The following SMYD4 variants were observed in gnomAD, a reference collection of about 807,000 sequenced individuals.
SMYD4 encodes protein-lysine N-methyltransferase SMYD4.
Under a neutral mutation model 72.8 loss-of-function variants are expected in SMYD4, and 68 were observed. That is an observed-to-expected ratio of 0.93 (90% CI 0.77 to 1.14). The LOEUF (loss-of-function observed/expected upper bound fraction) is 1.14. SMYD4 is among the 50% of genes most tolerant of loss of function. SMYD4 has a pLI of 0.00. For synonymous variants in SMYD4, 407 were observed against 388.6 expected (o/e 1.05, Z -0.56); for missense variants, 984 against 1,003.7 (o/e 0.98, Z 0.27).
intron 2 of SMYD4, among the ~76,000 whole-genome samples, chr17:1,826,994 T>C (rs983205529): frequency 6.6e-6 from 1 of 151,806 alleles, no homozygotes; most frequent in African/African-American, 2.4e-5. Flanking sequence ...CTACTAAAAA[T>C]ACAAAAATGT....
intron 5 of SMYD4, among the ~76,000 whole-genome samples, chr17:1,796,294 T>TGGC (rs2088052443): frequency 8.9e-6 from 1 of 112,288 alleles, no homozygotes; most frequent in African/African-American, 3.6e-5. Flanking sequence ...CCACCATGCC[T>TGGC]GGCTGTTTTT....
intron 5 of SMYD4, among the ~76,000 whole-genome samples, chr17:1,789,150 G>A (rs1270203192): frequency 6.6e-6 from 1 of 152,218 alleles, no homozygotes; most frequent in African/African-American, 2.4e-5. Context: ...CACTTTGGGA[G>A]GCCGAGGCGG....
At chr17:1,827,729 A>G in intron 2 of SMYD4, 132 bp downstream of exon 2, 1 of 1,257,896 alleles carries the variant, frequency 7.9e-7, no homozygotes, top group Admixed American at 2.6e-5. Context: ...TGAGCCCAGA[A>G]ATTTGAGACC....
chr17:1,785,380 T>C (rs1477588135), intron 7 of SMYD4, among the ~76,000 whole-genome samples: 2 of 137,902 alleles, frequency 1.5e-5, no homozygotes, highest in Non-Finnish European at 3.1e-5. Context: ...GAGCCGAGAT[T>C]GCACCACTGC....
rs748908728 is a variant in SMYD4, at chr17:1,800,555, C to T, written c.839G>A (p.Gly280Asp). The T allele has an allele frequency of 1.2e-6, 2 of 1,614,072 alleles. No homozygotes were observed. Among genetic ancestry groups the T allele is most frequent in the Non-Finnish European group, 1.7e-6 (2 of 1,180,054 alleles). ...TCTGGTGTCCCATTTGCTGTCTAGGCCGTGATGCGGTGGTGGCAGTTCTCC... is the reference window on the plus strand; with the variant it reads ...TCTGGTGTCCCATTTGCTGTCTAGGTCGTGATGCGGTGGTGGCAGTTCTCC... ...NPGELPPPHHGLDSKWDTRVT... is the reference protein window; with the variant it reads ...NPGELPPPHHDLDSKWDTRVT... Residue 280 changes from glycine to aspartate, a missense_variant, in exon 5 of 11, where the codon GGC becomes GAC. Physicochemically the swap from Gly to Asp is moderately conservative, Grantham distance 94 (BLOSUM62 -1). Coordinates refer to ENST00000305513, the MANE Select transcript of SMYD4 (RefSeq NM_052928.3).
intron 1 of SMYD4, among the ~76,000 whole-genome samples, chr17:1,828,292 A>G (rs1178153953): frequency 6.6e-6 from 1 of 151,292 alleles, no homozygotes; most frequent in Non-Finnish European, 1.5e-5. Flanking sequence ...CGGAGGTTGC[A>G]GTGAGCTGAG....
chr17:1,823,120 C>T (rs1301844945), intron 2 of SMYD4, among the ~76,000 whole-genome samples: 1 of 151,062 alleles, frequency 6.6e-6, no homozygotes, highest in African/African-American at 2.4e-5. Flanking sequence ...CCTGTAATCC[C>T]AGCACTTTGG....
intron 2 of SMYD4, among the ~76,000 whole-genome samples, chr17:1,824,198 C>CCGGGCATGATGG: frequency 6.6e-6 from 1 of 152,188 alleles, no homozygotes; most frequent in Middle Eastern, 3.4e-3. Flanking sequence ...CAAACATTAG[C>CCGGGCATGATGG]CGGGCATGAT....
At chr17:1,812,186 C>T (rs1315876169) in intron 2 of SMYD4, 71 bp from the exon 3 acceptor site, 4 of 1,549,424 alleles carry the variant, frequency 2.6e-6, no homozygotes, top group Non-Finnish European at 2.6e-6. Context: ...AACCATTGCC[C>T]TCAAAACAAG....
chr17:1,801,464 T>C (rs1909748818), intron 4 of SMYD4, among the ~76,000 whole-genome samples: 1 of 150,908 alleles, frequency 6.6e-6, no homozygotes, highest in Admixed American at 6.6e-5. Context: ...ATGGTTTCGA[T>C]CTCCTGACCT....
intron 2 of SMYD4, among the ~76,000 whole-genome samples, chr17:1,826,855 T>A (rs143052972): frequency 2.6e-5 from 4 of 151,992 alleles, no homozygotes; most frequent in African/African-American, 9.7e-5. Flanking sequence ...TTTTTGTCTA[T>A]AGAAAGACAA....
At chr17:1,829,175 G>A (rs904280440) in intron 1 of SMYD4, among the ~76,000 whole-genome samples, 2 of 152,102 alleles carry the variant, frequency 1.3e-5, no homozygotes, top group African/African-American at 4.8e-5. Flanking sequence ...GGAAGCCCAG[G>A]ACAAAACCAT....
chr17:1,796,776 G>A (rs1273957777), intron 5 of SMYD4, among the ~76,000 whole-genome samples: 3 of 152,090 alleles, frequency 2.0e-5, no homozygotes, highest in African/African-American at 7.2e-5. Flanking sequence ...TCAAGAGTTG[G>A]TAACTTTCTG....
intron 10 of SMYD4, chr17:1,782,767 C>CTTTTT (rs35909616): frequency 1.8e-5 from 3 of 171,082 alleles, no homozygotes; most frequent in African/African-American, 2.7e-5. Context: ...GGAGGAAATT[C>CTTTTT]TTTTTTTTTT....
chr17:1,794,141 GCT>G (rs1459349598), intron 5 of SMYD4, among the ~76,000 whole-genome samples: 2 of 46,298 alleles, frequency 4.3e-5, no homozygotes, highest in South Asian at 7.8e-4. Context: ...ATGGAGTTTT[GCT>G]CTGTCACCCA....
chr17:1,792,290 C>G (rs1227621315), intron 5 of SMYD4, among the ~76,000 whole-genome samples: 2 of 151,970 alleles, frequency 1.3e-5, no homozygotes, highest in African/African-American at 4.8e-5. Flanking sequence ...CCTCCCACCT[C>G]GGCCTCCTCA....
Position 1,787,405 on chromosome 17 carries a change from G to T in SMYD4, c.1720+17C>A. The stretch of plus-strand genomic sequence containing the variant: ...TGTTGGAGAAGGGCAGGATGGCAGT[G>T]CGGAGGGATGGCTCACCATAGCAGT... On this transcript the variant is annotated intron_variant, in intron 6 of 10. Coordinates refer to ENST00000305513, the MANE Select transcript of SMYD4 (RefSeq NM_052928.3). 1 of 1,551,964 alleles carries T rather than the reference G, an allele frequency of 6.4e-7. No individual in the cohort carries two copies. The highest frequency in any genetic ancestry group is 8.7e-7 in the Non-Finnish European group (1 of 1,148,000).
intron 3 of SMYD4, among the ~76,000 whole-genome samples, chr17:1,805,092 GGA>G (rs1299433142): frequency 6.6e-6 from 1 of 152,062 alleles, no homozygotes; most frequent in Non-Finnish European, 1.5e-5. Flanking sequence ...ATTCACATAT[GGA>G]TAGCCAAATA....
chr17:1,804,602 CAT>C, intron 4 of SMYD4, 22 bp downstream of exon 4: 1 of 1,608,758 alleles, frequency 6.2e-7, no homozygotes, highest in Non-Finnish European at 8.5e-7. Flanking sequence ...CCTGTCCTCT[CAT>C]ACCAGGTATC....
Sources: gnomAD v4.1 joint callset for allele counts (sites outside exome capture counted in the v4.1 genomes callset) on GRCh38, gnomAD v4.1.1 for gene constraint, MANE v1.5 for transcripts, NCBI Gene and HGNC (gene_info 2026-07-23, HGNC 2026-07-21) for gene names.